Variants in ANKRD17 observed in about 807,000 individuals in gnomAD.
ANKRD17 encodes ankyrin repeat domain 17, also known as ankyrin repeat domain-containing protein 17.
A neutral mutation model predicts 229.7 loss-of-function variants in ANKRD17; 19 were observed. The ratio of observed to expected loss-of-function variants is 0.08; its 90% CI spans 0.06 to 0.12. The LOEUF is 0.12. Among genes scored for constraint, ANKRD17 ranks in the 10% least tolerant of loss-of-function variants. The pLI, the probability that ANKRD17 is intolerant of heterozygous loss-of-function variation, is 1.00. For missense variants in ANKRD17, 2,176 were observed against 3,176.8 expected (o/e 0.68, Z 7.57); for synonymous variants, 1,112 against 1,146.1 (o/e 0.97, Z 0.60).
At chr4:73,232,117 G>C (rs1223936502) in intron 1 of ANKRD17, among the ~76,000 whole-genome samples, 1 of 152,200 alleles carries the variant, frequency 6.6e-6, no homozygotes, top group Admixed American at 6.5e-5. Flanking sequence ...TGAGAACCCT[G>C]ATTTATAGGC....
intron 1 of ANKRD17, among the ~76,000 whole-genome samples, chr4:73,245,880 CAGAAA>C (rs1744455320): frequency 2.0e-5 from 3 of 152,224 alleles, no homozygotes; most frequent in Admixed American, 2.0e-4. Context: ...CTAAGAAAAA[CAGAAA>C]AGAAATCTAT....
intron 1 of ANKRD17, among the ~76,000 whole-genome samples, chr4:73,179,177 AAT>A (rs1370579528): frequency 3.9e-5 from 6 of 151,978 alleles, no homozygotes; most frequent in Non-Finnish European, 7.4e-5. Context: ...GGGAAGAAAT[AAT>A]ATGTTTCTCT....
chr4:73,246,616 G>A (rs1297486734), intron 1 of ANKRD17, among the ~76,000 whole-genome samples: 1 of 152,094 alleles, frequency 6.6e-6, no homozygotes, highest in Admixed American at 6.6e-5. Context: ...GATATGTAAC[G>A]ACACAATAGT....
At chr4:73,246,434 G>A (rs962369557) in intron 1 of ANKRD17, among the ~76,000 whole-genome samples, 5 of 152,164 alleles carry the variant, frequency 3.3e-5, no homozygotes, top group Non-Finnish European at 5.9e-5. Flanking sequence ...TTCACTTGGA[G>A]CTGTATGTAG....
intron 18 of ANKRD17, 24 bp downstream of exon 18, chr4:73,124,889 A>C (rs1727233472): frequency 1.2e-6 from 2 of 1,609,058 alleles, no homozygotes. Flanking sequence ...AAAGGAAAAC[A>C]ATTACACTAA....
chr4:73,117,380 T>C (rs1263701236), intron 22 of ANKRD17, among the ~76,000 whole-genome samples: 2 of 152,186 alleles, frequency 1.3e-5, no homozygotes, highest in African/African-American at 4.8e-5. Flanking sequence ...CAAACTAAGA[T>C]TGGATTTCAA....
chr4:73,185,735 G>T (rs1244767326), intron 1 of ANKRD17, among the ~76,000 whole-genome samples: 1 of 151,926 alleles, frequency 6.6e-6, no homozygotes, highest in African/African-American at 2.4e-5. Context: ...ATCATTATGG[G>T]ATGAATTATA....
intron 31 of ANKRD17, among the ~76,000 whole-genome samples, chr4:73,078,343 G>A (rs867485021): frequency 2.6e-5 from 4 of 151,818 alleles, no homozygotes; most frequent in Non-Finnish European, 5.9e-5. Context: ...TGCCGCTGCA[G>A]TCCGGCCTGG....
chr4:73,192,870 T>A (rs1194722090), intron 1 of ANKRD17, among the ~76,000 whole-genome samples: 2 of 152,206 alleles, frequency 1.3e-5, no homozygotes, highest in Non-Finnish European at 2.9e-5. Context: ...TCAAGATAAG[T>A]AAAATCAGGA....
At position 73,074,769 on chromosome 4, in the gene ANKRD17, A is replaced by G. The variant is rs983161214; in HGVS notation, c.*1462T>C. ...AAATTTTATGTCTAATTAAAAAAAA[A>G]GAAGACAAATTGATATATACATTAC... On this transcript the variant is annotated 3_prime_UTR_variant, in exon 34 of 34. Transcript: ENST00000358602. 2.0e-5 allele frequency: 3 copies of G among 152,410 alleles called. No individual in the cohort carries two copies. Among genetic ancestry groups the G allele is most frequent in the African/African-American group, 7.2e-5 (3 of 41,448 alleles). The allele number at this position is 152,410 out of a possible 1,614,324, so 9.4% of individuals were successfully genotyped here.
At chr4:73,185,157 C>T (rs1431447592) in intron 1 of ANKRD17, among the ~76,000 whole-genome samples, 1 of 151,518 alleles carries the variant, frequency 6.6e-6, no homozygotes, top group East Asian at 1.9e-4. Context: ...AACCCCATCC[C>T]CCATCTGATG....
At chr4:73,177,562 A>G (rs932612506) in intron 1 of ANKRD17, 29 bp from the exon 2 acceptor site, 3 of 1,569,952 alleles carry the variant, frequency 1.9e-6, no homozygotes, top group African/African-American at 2.7e-5. Context: ...AAGAGGGAGG[A>G]AGGGAGAAAT....
intron 1 of ANKRD17, among the ~76,000 whole-genome samples, chr4:73,245,946 C>A (rs1464448391): frequency 6.6e-6 from 1 of 152,180 alleles, no homozygotes; most frequent in African/African-American, 2.4e-5. Flanking sequence ...GCCTAAAAAT[C>A]TTACACTTGA....
intron 1 of ANKRD17, among the ~76,000 whole-genome samples, chr4:73,224,600 T>C (rs1560756705): frequency 6.6e-6 from 1 of 152,222 alleles, no homozygotes; most frequent in African/African-American, 2.4e-5. Flanking sequence ...TTTATCCTCA[T>C]AACAACCCAG....
intron 1 of ANKRD17, among the ~76,000 whole-genome samples, chr4:73,255,616 TAC>T (rs1299920248): frequency 1.3e-5 from 2 of 152,186 alleles, no homozygotes; most frequent in Non-Finnish European, 2.9e-5. Context: ...CCATTTAGCT[TAC>T]AGTTTTATTT....
intron 30 of ANKRD17, among the ~76,000 whole-genome samples, chr4:73,084,727 G>A (rs1247692257): frequency 6.6e-6 from 1 of 152,200 alleles, no homozygotes; most frequent in African/African-American, 2.4e-5. Context: ...AGGATTACAG[G>A]TGTATGCCAC....
intron 1 of ANKRD17, among the ~76,000 whole-genome samples, chr4:73,242,828 G>T: frequency 6.6e-6 from 1 of 152,198 alleles, no homozygotes; most frequent in East Asian, 1.9e-4. Flanking sequence ...TTCTTTCCAC[G>T]TAGTAAGAAA....
intron 1 of ANKRD17, among the ~76,000 whole-genome samples, chr4:73,216,702 A>G (rs1741098750): frequency 6.6e-6 from 1 of 152,224 alleles, no homozygotes; most frequent in South Asian, 2.1e-4. Flanking sequence ...CTCTCTATAT[A>G]TAATTTAAAT....
intron 1 of ANKRD17, among the ~76,000 whole-genome samples, chr4:73,182,658 C>G (rs1048458862): frequency 2.6e-5 from 4 of 152,174 alleles, no homozygotes; most frequent in African/African-American, 9.7e-5. Flanking sequence ...TACACAGCAC[C>G]TCCTATAAAG....
Sources: gnomAD v4.1 joint callset for allele counts (sites outside exome capture counted in the v4.1 genomes callset) on GRCh38, gnomAD v4.1.1 for gene constraint, MANE v1.5 for transcripts, NCBI Gene and HGNC (gene_info 2026-07-23, HGNC 2026-07-21) for gene names.